The following BIRC3 variants were observed in gnomAD, a reference collection of about 807,000 sequenced individuals.
BIRC3 encodes baculoviral IAP repeat-containing protein 3.
BIRC3 carries 26 observed loss-of-function variants against 59.0 expected under a neutral mutation model. That is an observed-to-expected ratio of 0.44 (90% CI 0.32 to 0.61). The LOEUF (loss-of-function observed/expected upper bound fraction) is 0.61. BIRC3 is among the 20% of genes least tolerant of loss of function. BIRC3 has a pLI of 0.04. For synonymous variants in BIRC3, 243 were observed against 249.2 expected, an observed-to-expected ratio of 0.98 and a Z score of 0.24; for missense variants, 641 against 711.5, an observed-to-expected ratio of 0.90 and a Z score of 1.13.
rs1159354646 is a variant in BIRC3, at chr11:102,336,118, A to G, written c.1477A>G (p.Arg493Gly). 2 of 1,613,816 alleles carry G rather than the reference A, an allele frequency of 1.2e-6. No homozygotes were observed. The highest frequency in any genetic ancestry group is 1.7e-6 in the Non-Finnish European group (2 of 1,179,930). Residue 493 changes from arginine to glycine, a missense_variant, in exon 7 of 9, where the codon AGA becomes GGA. Physicochemically the swap from Arg to Gly is moderately radical, Grantham distance 125. Transcript: ENST00000263464. ...GAAGACACAGACGTCTTTACAAGCA[A>G]GAGAACTGATTGATACGATTTTAGT... ...KQKTQTSLQA[R>G]ELIDTILVKG...
rs770192717 is a variant in BIRC3, at chr11:102,324,909, T to A, written c.400T>A (p.Phe134Ile). ...LLPGTENSGY[F>I]RGSYSNSPSN... ...TCCGGGTACAGAAAACAGTGGATAT[T>A]TCCGTGGCTCTTATTCAAACTCTCC... is the stretch of plus-strand genomic sequence containing the variant. Residue 134 changes from phenylalanine (F) to isoleucine (I), a missense_variant, in exon 2 of 9, where the codon TTC (phenylalanine) becomes ATC (isoleucine). Transcript: ENST00000263464. 1 of 1,614,190 alleles carries A rather than the reference T, an allele frequency of 6.2e-7. No homozygotes were observed. The highest frequency in any genetic ancestry group is 1.1e-5 in the South Asian group (1 of 91,080).
At chr11:102,329,798 A>G (rs557643165) in intron 5 of BIRC3, among the ~76,000 whole-genome samples, 2 of 152,184 alleles carry the variant, frequency 1.3e-5, no homozygotes, top group East Asian at 3.9e-4. Flanking sequence ...GGGTAGGGGG[A>G]TGTGGGAGGG....
At chr11:102,329,793 G>A (rs1951120979) in intron 5 of BIRC3, among the ~76,000 whole-genome samples, 2 of 152,172 alleles carry the variant, frequency 1.3e-5, no homozygotes, top group South Asian at 4.1e-4. Flanking sequence ...TTGTGGGGTA[G>A]GGGGATGTGG....
rs774216522 is a variant in BIRC3 at position 102,325,208 on chromosome 11, A to G, written c.699A>G (p.Pro233=). Residue 233 remains proline, a synonymous_variant, in exon 2 of 9, where the codon CCA becomes CCG. Transcript: ENST00000263464. ...SEHLRHFPKC[P]FIENQLQDTS... The stretch of plus-strand genomic sequence containing the variant: ...ACCTGAGACATTTTCCCAAATGCCC[A>G]TTTATAGAAAATCAGCTTCAAGACA... 2 of 1,614,150 alleles carry G rather than the reference A, an allele frequency of 1.2e-6. No homozygotes were observed. The highest frequency in any genetic ancestry group is 1.1e-5 in the South Asian group (1 of 91,082).
Position 102,324,347 on chromosome 11 carries a change from TAGA to T in BIRC3, c.-161_-159del. ...CCTTAAAATGTATCAGTATAGGATTTAGAATCTCCATGTTGAAACTCTAAATGC... is the reference window on the plus strand; with the variant it reads ...CCTTAAAATGTATCAGTATAGGATTTATCTCCATGTTGAAACTCTAAATGC... On this transcript the variant is annotated 5_prime_UTR_variant, in exon 2 of 9. An upstream open reading frame in the 5' UTR loses its in-frame stop. Transcript: ENST00000263464. 1 of 716,130 alleles carries T rather than the reference TAGA, an allele frequency of 1.4e-6. No individual in the cohort carries two copies. The highest frequency in any genetic ancestry group is 2.2e-6 in the Non-Finnish European group (1 of 461,056). The allele number at this position is 716,130 out of a possible 1,614,324, so 44.4% of individuals were successfully genotyped here.
At position 102,322,525 on chromosome 11, in the gene BIRC3, G is replaced by A. The variant is rs1410544034; in HGVS notation, c.-1985G>A. On this transcript the variant is annotated 5_prime_UTR_variant, in exon 2 of 9. Coordinates refer to ENST00000263464, the MANE Select transcript of BIRC3 (RefSeq NM_001165.5). ...AATGATGGTTGAAGGTTACATTTTA[G>A]GAAATGAAGAAACTTAGAAAATTAA... The A allele has an allele frequency of 1.5e-5, 3 of 205,646 alleles. No individual in the cohort carries two copies. Among genetic ancestry groups the A allele is most frequent in the African/African-American group, 6.9e-5 (3 of 43,730 alleles). 12.7% of individuals were successfully genotyped at this position (205,646 alleles called of 1,614,324 possible).
intron 3 of BIRC3, among the ~76,000 whole-genome samples, chr11:102,327,490 A>C (rs1251541106): frequency 6.6e-6 from 1 of 152,058 alleles, no homozygotes; most frequent in East Asian, 1.9e-4. Flanking sequence ...AAATGCAAAA[A>C]TTAGCCGGCC....
chr11:102,318,231 C>T (rs186179376), intron 1 of BIRC3, among the ~76,000 whole-genome samples: 1 of 152,308 alleles, frequency 6.6e-6, no homozygotes, highest in African/African-American at 2.4e-5. Context: ...TCTTAAGAAG[C>T]AGGTACCATA....
intron 1 of BIRC3, 113 bp downstream of exon 1, chr11:102,317,684 GGC>G (rs1950984220): frequency 6.5e-6 from 1 of 153,200 alleles, no homozygotes; most frequent in African/African-American, 2.4e-5. Flanking sequence ...CTGGCCGAGG[GGC>G]GCTTAGGGCT....
At chr11:102,321,124 C>T (rs914121022) in intron 1 of BIRC3, among the ~76,000 whole-genome samples, 6 of 152,194 alleles carry the variant, frequency 3.9e-5, no homozygotes, top group African/African-American at 1.4e-4. Flanking sequence ...GATTAATCTA[C>T]AGCATGGTAC....
At position 102,325,188 on chromosome 11, in the gene BIRC3, A is replaced by G. The variant is rs769356523; in HGVS notation, c.679A>G (p.Arg227Gly). The G allele has an allele frequency of 8.7e-6, 14 of 1,614,042 alleles. No individual in the cohort carries two copies. The highest frequency in any genetic ancestry group is 1.2e-5 in the Non-Finnish European group (14 of 1,180,034). ...PKDNAMSEHL[R>G]HFPKCPFIEN... ...GGATAATGCTATGTCAGAACACCTG[A>G]GACATTTTCCCAAATGCCCATTTAT... is the stretch of plus-strand genomic sequence containing the variant. Residue 227 changes from arginine to glycine, a missense_variant, in exon 2 of 9, where the codon AGA becomes GGA. Around this residue, in one of 4 missense-constraint regions of BIRC3, gnomAD observed 329 missense variants for 365.6 expected, o/e 0.90. Coordinates refer to ENST00000263464, the MANE Select transcript of BIRC3 (RefSeq NM_001165.5).
At chr11:102,336,720 C>A (rs1361301514) in intron 7 of BIRC3, 40 bp from the exon 8 acceptor site, 8 of 1,567,100 alleles carry the variant, frequency 5.1e-6, no homozygotes, top group African/African-American at 1.4e-5. Flanking sequence ...AAATATTAAC[C>A]TTATTTGTCA....
rs1951214312 is a variant in BIRC3 at position 102,337,964 on chromosome 11, T to C, written c.*862T>C. On this transcript the variant is annotated 3_prime_UTR_variant, in exon 9 of 9. Coordinates refer to ENST00000263464, the MANE Select transcript of BIRC3 (RefSeq NM_001165.5). Reference sequence around the variant, plus strand: ...TAGTAAGTTTGTTTATTCACTTCTCTATTGATTCATTCAAGAAGTCTCATG... The same window carrying C: ...TAGTAAGTTTGTTTATTCACTTCTCCATTGATTCATTCAAGAAGTCTCATG... The C allele has an allele frequency of 4.4e-6, 1 of 226,514 alleles. No homozygotes were observed. Among genetic ancestry groups the C allele is most frequent in the Admixed American group, 5.7e-5 (1 of 17,570 alleles). 14.0% of individuals were successfully genotyped at this position (226,514 alleles called of 1,614,324 possible). A position where few individuals can be genotyped will look rare whatever the true frequency, so the allele number is the denominator to read the frequency against.
At chr11:102,317,817 T>A (rs2135778753) in intron 1 of BIRC3, among the ~76,000 whole-genome samples, 1 of 152,306 alleles carries the variant, frequency 6.6e-6, no homozygotes, top group African/African-American at 2.4e-5. Context: ...ACGTTTGGAG[T>A]GAGCCAGTGG....
chr11:102,323,233 G>T lies in BIRC3; in HGVS notation c.-1277G>T. The T allele has an allele frequency of 5.1e-6, 1 of 196,922 alleles. No homozygotes were observed. 12.2% of individuals were successfully genotyped at this position (196,922 alleles called of 1,614,324 possible). On this transcript the variant is annotated 5_prime_UTR_variant, in exon 2 of 9. Transcript: ENST00000263464. Reference sequence around the variant, plus strand: ...AATCTTTGAAAGGTCTTATTTTACAGCCATATCTAAATTATCTTAAGAAAA... The same window carrying T: ...AATCTTTGAAAGGTCTTATTTTACATCCATATCTAAATTATCTTAAGAAAA...
Position 102,324,657 on chromosome 11 carries a change from C to T in BIRC3, c.148C>T (p.Leu50Phe). Residue 50 changes from leucine to phenylalanine, a missense_variant, in exon 2 of 9, where the codon CTT becomes TTT. Physicochemically the swap from Leu to Phe is conservative, Grantham distance 22 (BLOSUM62 0). This residue lies in a region of BIRC3 where 329 missense variants were observed against 365.6 expected (regional missense o/e 0.90). Coordinates refer to ENST00000263464, the MANE Select transcript of BIRC3 (RefSeq NM_001165.5). ...TGGGGTTCCTGTCTCAGAAAGGAGT[C>T]TTGCTCGTGCTGGTTTCTATTACAC... Reference protein sequence around the residue: ...PAGVPVSERSLARAGFYYTGV... With the variant: ...PAGVPVSERSFARAGFYYTGV... 6.2e-7 allele frequency: 1 copy of T among 1,614,184 alleles called. No homozygotes were observed. Among genetic ancestry groups the T allele is most frequent in the Non-Finnish European group, 8.5e-7 (1 of 1,180,024 alleles).
At position 102,321,949 on chromosome 11, in the gene BIRC3, G is replaced by A. The variant is rs1366771085; in HGVS notation, c.-2561G>A. On this transcript the variant is annotated 5_prime_UTR_variant, in exon 2 of 9. Coordinates refer to ENST00000263464, the MANE Select transcript of BIRC3 (RefSeq NM_001165.5). ...CCTTAAAGGGACTTAGTCTAATCTCGGGAGGTAGTTTTGTGCATGGGTAAA... is the reference window on the plus strand; with the variant it reads ...CCTTAAAGGGACTTAGTCTAATCTCAGGAGGTAGTTTTGTGCATGGGTAAA... 1 of 189,296 alleles carries A rather than the reference G, an allele frequency of 5.3e-6. No individual in the cohort carries two copies. Among genetic ancestry groups the A allele is most frequent in the Non-Finnish European group, 1.1e-5 (1 of 90,210 alleles). The allele number at this position is 189,296 out of a possible 1,614,324, so 11.7% of individuals were successfully genotyped here.
At chr11:102,319,719 T>A (rs1034992751) in intron 1 of BIRC3, among the ~76,000 whole-genome samples, 2 of 152,134 alleles carry the variant, frequency 1.3e-5, no homozygotes, top group Admixed American at 1.3e-4. Context: ...GGGCATGGGC[T>A]AGGGAGCTGA....
At chr11:102,327,146 A>G (rs1367058882) in intron 3 of BIRC3, among the ~76,000 whole-genome samples, 7 of 152,204 alleles carry the variant, frequency 4.6e-5, no homozygotes, top group African/African-American at 1.2e-4. Flanking sequence ...TTTCACTGCA[A>G]TATCTCTGAC....
Sources: allele counts gnomAD v4.1 joint callset (sites outside exome capture counted in the v4.1 genomes callset), GRCh38; gene constraint gnomAD v4.1.1; regional missense constraint gnomAD v4.1.1; transcripts MANE v1.5; gene names NCBI Gene and HGNC (gene_info 2026-07-23, HGNC 2026-07-21).